Variants in IMMP2L observed in about 807,000 individuals in gnomAD.
IMMP2L encodes the protein mitochondrial inner membrane protease subunit 2.
IMMP2L carries 18 observed loss-of-function variants against 19.3 expected under a neutral mutation model. The ratio of observed to expected loss-of-function variants is 0.93; its 90% CI spans 0.64 to 1.38. IMMP2L has a LOEUF of 1.38. Among genes scored for constraint, IMMP2L ranks in the 40% most tolerant of loss-of-function variants. The pLI is 0.00. For synonymous variants in IMMP2L, 76 were observed against 73.0 expected (o/e 1.04, Z -0.21); for missense variants, 233 against 218.2 (o/e 1.07, Z -0.43).
At chr7:111,561,720 G>A (rs907800453) in intron 1 of IMMP2L, 131 bp downstream of exon 1, 1 of 152,634 alleles carries the variant, frequency 6.6e-6, no homozygotes, top group Non-Finnish European at 1.5e-5. Flanking sequence ...GGGTCCTCCA[G>A]TTCCCGATGA....
intron 1 of IMMP2L, among the ~76,000 whole-genome samples, chr7:111,560,468 A>G (rs982984002): frequency 2.6e-5 from 4 of 152,220 alleles, no homozygotes; most frequent in Non-Finnish European, 5.9e-5. Flanking sequence ...ATACTCGTAC[A>G]CTGGAAAATG....
chr7:111,455,141 C>A (rs1839570658), intron 3 of IMMP2L, among the ~76,000 whole-genome samples: 1 of 151,710 alleles, frequency 6.6e-6, no homozygotes. Context: ...ACAAACAATT[C>A]TTTTCCATAA....
intron 3 of IMMP2L, among the ~76,000 whole-genome samples, chr7:111,340,841 T>C (rs964348779): frequency 1.3e-5 from 2 of 152,092 alleles, no homozygotes; most frequent in African/African-American, 2.4e-5. Flanking sequence ...AAAGAGTACT[T>C]ACTATAAGTA....
chr7:111,551,025 T>A (rs1451169280), intron 1 of IMMP2L, among the ~76,000 whole-genome samples: 1 of 152,140 alleles, frequency 6.6e-6, no homozygotes, highest in Non-Finnish European at 1.5e-5. Context: ...GGGAAAATCA[T>A]ATGAAATGAA....
At chr7:110,784,384 C>G (rs1270978274) in intron 5 of IMMP2L, among the ~76,000 whole-genome samples, 1 of 151,932 alleles carries the variant, frequency 6.6e-6, no homozygotes, top group Non-Finnish European at 1.5e-5. Flanking sequence ...CCTCCCCTCC[C>G]CTTCCACATT....
intron 3 of IMMP2L, among the ~76,000 whole-genome samples, chr7:111,199,340 T>A (rs2129614944): frequency 6.6e-6 from 1 of 152,268 alleles, no homozygotes; most frequent in East Asian, 1.9e-4. Context: ...CCCTGTAATT[T>A]CCTTTTGCAC....
At chr7:111,062,927 C>T (rs776824767) in intron 3 of IMMP2L, among the ~76,000 whole-genome samples, 7 of 152,204 alleles carry the variant, frequency 4.6e-5, no homozygotes, top group Non-Finnish European at 7.3e-5. Flanking sequence ...TGAGTGACTG[C>T]GGCTTTTCCA....
intron 3 of IMMP2L, among the ~76,000 whole-genome samples, chr7:111,451,404 C>G (rs908419332): frequency 6.7e-6 from 1 of 150,286 alleles, no homozygotes; most frequent in African/African-American, 2.5e-5. Context: ...GAGTTCATGT[C>G]CTTTGTAGGG....
intron 3 of IMMP2L, among the ~76,000 whole-genome samples, chr7:111,161,730 C>T (rs1284122400): frequency 1.3e-5 from 2 of 151,970 alleles, no homozygotes; most frequent in African/African-American, 2.4e-5. Flanking sequence ...GTATTAAATA[C>T]CAATTTGCTC....
chr7:110,995,122 T>C (rs1331012246), intron 3 of IMMP2L, among the ~76,000 whole-genome samples: 1 of 152,078 alleles, frequency 6.6e-6, no homozygotes, highest in African/African-American at 2.4e-5. Flanking sequence ...CATTTGTTCA[T>C]ACCAAGACCG....
At chr7:110,748,900 G>A (rs1349188824) in intron 5 of IMMP2L, among the ~76,000 whole-genome samples, 1 of 152,112 alleles carries the variant, frequency 6.6e-6, no homozygotes, top group East Asian at 1.9e-4. Flanking sequence ...CGGACAAATG[G>A]GATCTGATTA....
chr7:110,789,680 G>A (rs1584834780), intron 5 of IMMP2L, among the ~76,000 whole-genome samples: 1 of 151,532 alleles, frequency 6.6e-6, no homozygotes, highest in African/African-American at 2.4e-5. Context: ...GGCCTAGAAG[G>A]CCCTTCATCC....
intron 5 of IMMP2L, among the ~76,000 whole-genome samples, chr7:110,833,439 CAAA>C (rs66826955): frequency 8.7e-6 from 1 of 115,466 alleles, no homozygotes; most frequent in Non-Finnish European, 1.8e-5. Context: ...AACTTCGTCT[CAAA>C]AAAAAAAAAA....
intron 5 of IMMP2L, among the ~76,000 whole-genome samples, chr7:110,861,959 T>C (rs1807472634): frequency 1.3e-5 from 2 of 152,114 alleles, no homozygotes; most frequent in African/African-American, 2.4e-5. Context: ...ATTACAAGTA[T>C]AAATTATGTC....
intron 5 of IMMP2L, among the ~76,000 whole-genome samples, chr7:110,802,392 C>T (rs1374274042): frequency 1.4e-5 from 2 of 147,580 alleles, no homozygotes; most frequent in African/African-American, 5.0e-5. Context: ...TTGGTAAGTA[C>T]AGCTCTATAT....
chr7:111,395,638 G>A (rs1010085003), intron 3 of IMMP2L, among the ~76,000 whole-genome samples: 6 of 151,810 alleles, frequency 4.0e-5, no homozygotes, highest in African/African-American at 1.2e-4. Flanking sequence ...TTTGCCTTTC[G>A]CCCATTTAAG....
chr7:111,097,967 C>T (rs938487936), intron 3 of IMMP2L, among the ~76,000 whole-genome samples: 24 of 151,488 alleles, frequency 1.6e-4, no homozygotes, highest in African/African-American at 4.8e-4. Context: ...ATAGAGCAAG[C>T]GAAAAGAGAA....
chr7:111,269,701 T>C (rs1263393231), intron 3 of IMMP2L, among the ~76,000 whole-genome samples: 1 of 152,036 alleles, frequency 6.6e-6, no homozygotes, highest in Non-Finnish European at 1.5e-5. Flanking sequence ...AATTATGAAA[T>C]TATGTTATCA....
chr7:110,980,352 C>G (rs534871556), intron 3 of IMMP2L, among the ~76,000 whole-genome samples: 1 of 151,254 alleles, frequency 6.6e-6, no homozygotes. Context: ...CTCAGCCTCT[C>G]CGAGTAGCTG....
Sources: allele counts gnomAD v4.1 joint callset (sites outside exome capture counted in the v4.1 genomes callset), GRCh38; gene constraint gnomAD v4.1.1; transcripts MANE v1.5; gene names NCBI Gene and HGNC (gene_info 2026-07-23, HGNC 2026-07-21).